The following TSBP1 variants were observed in gnomAD, a reference collection of about 807,000 sequenced individuals.
TSBP1 encodes testis expressed basic protein 1.
Under a neutral mutation model 68.8 loss-of-function variants are expected in TSBP1, and 56 were observed. The observed-to-expected ratio is 0.81, with a 90% CI of 0.66 to 1.02. The LOEUF (loss-of-function observed/expected upper bound fraction) is 1.02, where lower values mean the gene tolerates loss of function less well. Among genes scored for constraint, TSBP1 ranks in the 50% least tolerant of loss-of-function variants. TSBP1 has a pLI of 0.00. For synonymous variants in TSBP1, 171 were observed against 208.7 expected, an observed-to-expected ratio of 0.82 and a Z score of 1.56; for missense variants, 502 against 641.2, an observed-to-expected ratio of 0.78 and a Z score of 2.34.
At chr6:32,363,628 A>G (rs933813273) in intron 6 of TSBP1, among the ~76,000 whole-genome samples, 1 of 151,774 alleles carries the variant, frequency 6.6e-6, no homozygotes, top group Non-Finnish European at 1.5e-5. Flanking sequence ...TAGATTACAT[A>G]CAAAAACTCT....
intron 20 of TSBP1, among the ~76,000 whole-genome samples, chr6:32,301,017 C>T (rs1471051659): frequency 2.2e-5 from 3 of 135,508 alleles, no homozygotes; most frequent in Non-Finnish European, 3.2e-5. Flanking sequence ...TATTTTTTGA[C>T]ATTGATACGA....
rs528425295 is a variant in TSBP1 at position 32,340,970 on chromosome 6, A to G, written c.350-1332T>C. 6.6e-6 allele frequency among the ~76,000 whole-genome samples: 1 copy of G among 152,040 alleles called. No individual in the cohort carries two copies. Among genetic ancestry groups the G allele is most frequent in the Admixed American group, 6.5e-5 (1 of 15,274 alleles). On this transcript the variant is annotated intron_variant, in intron 9 of 22. Coordinates refer to ENST00000612031, the Ensembl canonical transcript of TSBP1. This position sits in a 1 kb window ranked among gnomAD's most constrained non-coding sequence, Gnocchi z 4.8. ...GCCACCACGCCCAGCTAATTTTTGT[A>G]TTTTTAGTAGAGATGGGGTTTCGCC...
rs1439899169 is a variant in TSBP1 at position 32,306,882 on chromosome 6, A to C, written c.581-4253T>G. Among the ~76,000 whole-genome samples the C allele has an allele frequency of 1.3e-5, 2 of 152,148 alleles. No homozygotes were observed. Among genetic ancestry groups the C allele is most frequent in the African/African-American group, 4.8e-5 (2 of 41,430 alleles). The stretch of plus-strand genomic sequence containing the variant: ...AAATAGATGATTTGGCTAGGCTAAC[A>C]AAGTATTCATTTTGCAGTATTTCCA... On this transcript the variant is annotated intron_variant, in intron 19 of 22. Transcript: ENST00000612031. This position sits in a 1 kb window ranked among gnomAD's most constrained non-coding sequence, Gnocchi z 5.1.
chr6:32,347,712 A>T (rs528796725), intron 9 of TSBP1, among the ~76,000 whole-genome samples: 1 of 152,312 alleles, frequency 6.6e-6, no homozygotes, highest in African/African-American at 2.4e-5. Context: ...TTATTCTAAA[A>T]GACTTTTTGT....
At chr6:32,328,100 C>T (rs1322363906) in intron 16 of TSBP1, among the ~76,000 whole-genome samples, 1 of 151,768 alleles carries the variant, frequency 6.6e-6, no homozygotes. Flanking sequence ...ACCAGTGCGC[C>T]GGGCCTAATT....
At chr6:32,354,835 A>T (rs1320990175) in intron 8 of TSBP1, among the ~76,000 whole-genome samples, 8 of 152,090 alleles carry the variant, frequency 5.3e-5, no homozygotes, top group African/African-American at 1.7e-4. Context: ...AAAAAAAGAT[A>T]CTATATTTTG....
At chr6:32,305,223 G>A (rs1765682030) in intron 19 of TSBP1, among the ~76,000 whole-genome samples, 1 of 152,114 alleles carries the variant, frequency 6.6e-6, no homozygotes, top group African/African-American at 2.4e-5. Context: ...AAACTCCCCA[G>A]GCCTTCACAA....
exon 23 of TSBP1, chr6:32,293,656 C>G (rs371233809): frequency 3.7e-6 from 6 of 1,612,964 alleles, no homozygotes; most frequent in African/African-American, 1.3e-5. Flanking sequence ...ACTCACTCTT[C>G]TTTACTTGGG....
intron 10 of TSBP1, 140 bp from the exon 12 acceptor site, chr6:32,339,139 T>G (rs1433693786): frequency 1.4e-6 from 1 of 734,116 alleles, no homozygotes; most frequent in African/African-American, 1.8e-5. Flanking sequence ...ATTTTCCTTT[T>G]TTCCTTAGGA....
chr6:32,354,186 T>G (rs1293192377), intron 8 of TSBP1, among the ~76,000 whole-genome samples: 1 of 134,058 alleles, frequency 7.5e-6, no homozygotes, highest in African/African-American at 3.1e-5. Context: ...TAATTGCAGA[T>G]ATTTAACATA....
intron 4 of TSBP1, among the ~76,000 whole-genome samples, chr6:32,367,331 C>T (rs770629471): frequency 3.3e-5 from 5 of 151,408 alleles, no homozygotes; most frequent in Non-Finnish European, 5.9e-5. Context: ...TGAAAGAGAA[C>T]ATTGAGTGTT....
chr6:32,306,032 T>C lies in TSBP1; in HGVS notation c.581-3403A>G, dbSNP rs1055910677. Among the ~76,000 whole-genome samples, 1 of 152,282 alleles carries C rather than the reference T, an allele frequency of 6.6e-6. No homozygotes were observed. Among genetic ancestry groups the C allele is most frequent in the South Asian group, 2.1e-4 (1 of 4,828 alleles). On this transcript the variant is annotated intron_variant, in intron 19 of 22. Transcript: ENST00000612031. The surrounding 1 kb of genome is among the most constrained non-coding windows in gnomAD (Gnocchi z 5.1). ...AAAATAATTCTCCATCATAATTATA[T>C]ATTGGCAAGGGTCATAACACATTTG...
intron 9 of TSBP1, chr6:32,349,438 T>C (rs2076541): frequency 0.38 from 109,485 of 291,162 alleles, 22,715 homozygotes; most frequent in Middle Eastern, 0.56. Flanking sequence ...CTATATTATC[T>C]TCATCCTCAT....
chr6:32,336,703 C>G lies in TSBP1; in HGVS notation c.410-68G>C, dbSNP rs1769717922. ...AATTTTCATTTTACCAGTATTGTTTCTAAAGAAACTATGAAGCAATTCAAC... is the reference window on the plus strand; with the variant it reads ...AATTTTCATTTTACCAGTATTGTTTGTAAAGAAACTATGAAGCAATTCAAC... On this transcript the variant is annotated intron_variant, in intron 11 of 22. Transcript: ENST00000612031. The surrounding 1 kb of genome is among the most constrained non-coding windows in gnomAD (Gnocchi z 5.2). 7.0e-7 allele frequency: 1 copy of G among 1,433,816 alleles called. No individual in the cohort carries two copies. Among genetic ancestry groups the G allele is most frequent in the South Asian group, 1.2e-5 (1 of 85,984 alleles). The allele number at this position is 1,433,816 out of a possible 1,614,324, so 88.8% of individuals were successfully genotyped here. A position where few individuals can be genotyped will look rare whatever the true frequency, so the allele number is the denominator to read the frequency against.
intron 6 of TSBP1, among the ~76,000 whole-genome samples, chr6:32,363,114 A>G (rs535106868): frequency 3.7e-4 from 56 of 152,276 alleles, no homozygotes; most frequent in Non-Finnish European, 6.2e-4. Flanking sequence ...TTATAATTAT[A>G]TAGTGAGCTC....
intron 6 of TSBP1, among the ~76,000 whole-genome samples, chr6:32,363,816 T>C (rs1273524692): frequency 1.3e-5 from 2 of 152,116 alleles, no homozygotes; most frequent in Non-Finnish European, 2.9e-5. Flanking sequence ...TGACTGTATA[T>C]TTACCTTACC....
At chr6:32,324,013 G>T (rs1767934092) in intron 16 of TSBP1, 1 of 228,654 alleles carries the variant, frequency 4.4e-6, no homozygotes, top group Non-Finnish European at 8.7e-6. Flanking sequence ...AGTTTGTTAA[G>T]TCCCTTGTAA....
At chr6:32,330,545 A>C (rs1768857602) in intron 16 of TSBP1, 44 bp downstream of exon 17, 2 of 1,586,116 alleles carry the variant, frequency 1.3e-6, no homozygotes, top group South Asian at 2.2e-5. Context: ...GACACTGTAG[A>C]AGATCAAGGA....
chr6:32,331,405 T>C (rs966644627), intron 15 of TSBP1, among the ~76,000 whole-genome samples: 23 of 152,210 alleles, frequency 1.5e-4, no homozygotes, highest in African/African-American at 5.5e-4. Context: ...GGAATTTCCA[T>C]TTTCTAAAAT....
Sources: gnomAD v4.1 joint callset for allele counts (sites outside exome capture counted in the v4.1 genomes callset) on GRCh38, gnomAD v4.1.1 for gene constraint, Gnocchi (gnomAD v3.1) non-coding constraint, MANE v1.5 for transcripts, NCBI Gene and HGNC (gene_info 2026-07-23, HGNC 2026-07-21) for gene names.